Variants in RUNX1 observed in about 807,000 individuals in gnomAD.
RUNX1 encodes the protein RUNX family transcription factor 1.
RUNX1 carries 19 observed loss-of-function variants against 42.8 expected under a neutral mutation model. The observed-to-expected ratio is 0.44, with a 90% CI of 0.31 to 0.65. The LOEUF (loss-of-function observed/expected upper bound fraction) is 0.65. Ranked by LOEUF, RUNX1 falls within the 30% of genes least tolerant of loss-of-function variation. The probability of loss-of-function intolerance (pLI) is 0.07; values close to 1 mark genes in which losing one functional copy is unlikely to be tolerated. For missense variants in RUNX1, 528 were observed against 672.0 expected, an observed-to-expected ratio of 0.79 and a Z score of 2.37; for synonymous variants, 271 against 289.4, an observed-to-expected ratio of 0.94 and a Z score of 0.64.
chr21:34,895,730 A>G lies in RUNX1; in HGVS notation c.59-2767T>C, dbSNP rs549932264. 2.6e-5 allele frequency among the ~76,000 whole-genome samples: 4 copies of G among 152,090 alleles called. No individual in the cohort carries two copies. The South Asian group carries it at 8.3e-4, about 32-fold the overall frequency. ...GACCAGGTTGGGGAGTGGGGGAGGG[A>G]GTGCAGCAGTTCAAAAATACATAGA... On this transcript the variant is annotated intron_variant, in intron 2 of 8. Coordinates refer to ENST00000675419, the MANE Select transcript of RUNX1 (RefSeq NM_001754.5).
At chr21:35,010,594 G>T (rs1242442863) in intron 2 of RUNX1, among the ~76,000 whole-genome samples, 1 of 151,020 alleles carries the variant, frequency 6.6e-6, no homozygotes, top group Non-Finnish European at 1.5e-5. Flanking sequence ...ATAAAATATG[G>T]TCAGTCACAC....
At chr21:35,048,603 G>A (rs934936724) in intron 2 of RUNX1, among the ~76,000 whole-genome samples, 1 of 152,190 alleles carries the variant, frequency 6.6e-6, no homozygotes, top group African/African-American at 2.4e-5. Flanking sequence ...CTCACGCACC[G>A]ACTGAACACT....
At position 34,914,585 on chromosome 21, in the gene RUNX1, C is replaced by T. The variant is rs544502135; in HGVS notation, c.59-21622G>A. 1.4e-4 allele frequency among the ~76,000 whole-genome samples: 22 copies of T among 152,230 alleles called. No homozygotes were observed. The South Asian group carries it at 4.4e-3, about 30-fold the overall frequency. ...TCTCCCCTTCATATGGTCAGTTGGG[C>T]GTATGGGAGAAGGAAGTGGCAACTC... On this transcript the variant is annotated intron_variant, in intron 2 of 8. Transcript: ENST00000675419.
intron 2 of RUNX1, among the ~76,000 whole-genome samples, chr21:35,007,452 T>A (rs1190982622): frequency 2.0e-5 from 3 of 152,198 alleles, no homozygotes; most frequent in African/African-American, 7.2e-5. Context: ...CCTGCATCCC[T>A]GCAGTTAGCC....
chr21:34,967,318 T>A, intron 2 of RUNX1, among the ~76,000 whole-genome samples: 1 of 17,202 alleles, frequency 5.8e-5, no homozygotes, highest in African/African-American at 2.3e-4. Flanking sequence ...AGACTCGGTC[T>A]CAAAAAAAAA....
rs111506330 is a variant in RUNX1 at position 34,848,737 on chromosome 21, CT to C, written c.613+10736del. Among the ~76,000 whole-genome samples, 11 of 152,274 alleles carry C rather than the reference CT, an allele frequency of 7.2e-5. 1 individual carries two copies. The highest frequency in any genetic ancestry group is 2.6e-4 in the African/African-American group (11 of 41,570). On this transcript the variant is annotated intron_variant, in intron 6 of 8. Coordinates refer to ENST00000675419, the MANE Select transcript of RUNX1 (RefSeq NM_001754.5). The stretch of plus-strand genomic sequence containing the variant: ...GGCGTGAGCTACCGCGCCCAGCCCC[CT>C]GGTTCACTTTTGAAACACTGGGCTA...
intron 2 of RUNX1, among the ~76,000 whole-genome samples, chr21:35,021,903 C>T (rs928719978): frequency 2.2e-4 from 33 of 152,228 alleles, no homozygotes; most frequent in African/African-American, 7.7e-4. Context: ...CGGAAGAAGG[C>T]AGAGGCAGAT....
intron 2 of RUNX1, among the ~76,000 whole-genome samples, chr21:35,037,054 C>T (rs549979592): frequency 1.2e-4 from 19 of 152,208 alleles, no homozygotes; most frequent in South Asian, 8.3e-4. Context: ...CAAGGTGGTG[C>T]GCTCTCAAGC....
At chr21:34,813,923 G>A (rs752813153) in intron 7 of RUNX1, among the ~76,000 whole-genome samples, 5 of 151,932 alleles carry the variant, frequency 3.3e-5, no homozygotes, top group Non-Finnish European at 7.4e-5. Flanking sequence ...TAGCAACAGA[G>A]CAGGGACAGA....
chr21:34,919,767 G>A (rs891358258), intron 2 of RUNX1, among the ~76,000 whole-genome samples: 1 of 152,172 alleles, frequency 6.6e-6, no homozygotes, highest in Non-Finnish European at 1.5e-5. Flanking sequence ...ATTAGATTTA[G>A]GTTTTTGCCC....
At chr21:34,889,810 C>T in intron 3 of RUNX1, 2 of 1,122,694 alleles carry the variant, frequency 1.8e-6, no homozygotes, top group Non-Finnish European at 2.2e-6. Context: ...CGGCGGGGCT[C>T]CCTCCCAGCG....
At chr21:34,983,313 C>T (rs941708729) in intron 2 of RUNX1, among the ~76,000 whole-genome samples, 13 of 152,094 alleles carry the variant, frequency 8.5e-5, no homozygotes, top group African/African-American at 3.1e-4. Context: ...AGACAATGGC[C>T]CTTATTTCTC....
intron 2 of RUNX1, among the ~76,000 whole-genome samples, chr21:34,920,782 T>G (rs529279926): frequency 1.8e-5 from 1 of 55,476 alleles, no homozygotes; most frequent in Non-Finnish European, 7.3e-5. Context: ...ATAAACATTT[T>G]TTCATGTTTT....
At chr21:34,853,430 A>T (rs536113347) in intron 6 of RUNX1, among the ~76,000 whole-genome samples, 1 of 152,202 alleles carries the variant, frequency 6.6e-6, no homozygotes, top group East Asian at 1.9e-4. Context: ...CAGGAATTAC[A>T]TTACCATGAA....
chr21:34,870,756 G>A (rs1234087909), intron 5 of RUNX1, among the ~76,000 whole-genome samples: 4 of 152,084 alleles, frequency 2.6e-5, no homozygotes, highest in Admixed American at 6.6e-5. Context: ...TCAAGAGATC[G>A]AGACCATCCT....
chr21:34,791,846 A>G lies in RUNX1; in HGVS notation c.*289T>C. 4.1e-6 allele frequency: 1 copy of G among 243,892 alleles called. No homozygotes were observed. The allele number at this position is 243,892 out of a possible 1,614,324, so 15.1% of individuals were successfully genotyped here. A position where few individuals can be genotyped will look rare whatever the true frequency, so the allele number is the denominator to read the frequency against. The stretch of plus-strand genomic sequence containing the variant: ...CCGGGAATCTTCCTGTTTGCTTTCC[A>G]GCGCGTCCCCTGGGTGCTGGGGCCG... On this transcript the variant is annotated 3_prime_UTR_variant, in exon 9 of 9. Transcript: ENST00000675419.
chr21:34,886,788 C>G (rs2057995467), intron 4 of RUNX1, 55 bp downstream of exon 4: 13 of 1,610,358 alleles, frequency 8.1e-6, no homozygotes, highest in Non-Finnish European at 9.3e-6. Flanking sequence ...TCGCGGATCT[C>G]CCCCGGCCTC....
intron 2 of RUNX1, among the ~76,000 whole-genome samples, chr21:35,006,318 G>T (rs734383): frequency 0.3 from 45,885 of 152,098 alleles, 7,816 homozygotes; most frequent in African/African-American, 0.45. Context: ...AAGCCTCAAG[G>T]AGGCAAACTG....
At chr21:34,911,949 A>G (rs2058275901) in intron 2 of RUNX1, among the ~76,000 whole-genome samples, 1 of 151,888 alleles carries the variant, frequency 6.6e-6, no homozygotes. Flanking sequence ...CTACCCCTGA[A>G]CCATCACAAC....
Sources: allele counts gnomAD v4.1 joint callset (sites outside exome capture counted in the v4.1 genomes callset), GRCh38; gene constraint gnomAD v4.1.1; transcripts MANE v1.5; gene names NCBI Gene and HGNC (gene_info 2026-07-23, HGNC 2026-07-21).